Variants in DBF4 observed in about 807,000 individuals in gnomAD.
DBF4 encodes the protein protein DBF4 homolog A.
DBF4 carries 25 observed loss-of-function variants against 76.6 expected under a neutral mutation model. That is an observed-to-expected ratio of 0.33 (90% CI 0.24 to 0.46). The LOEUF is 0.46. DBF4 is among the 20% of genes least tolerant of loss of function. The pLI is 1.00. For synonymous variants in DBF4, 213 were observed against 258.0 expected (o/e 0.83, Z 1.67); for missense variants, 638 against 760.8 (o/e 0.84, Z 1.90).
chr7:87,895,444 G>A (rs958075555), intron 6 of DBF4, among the ~76,000 whole-genome samples: 9 of 152,098 alleles, frequency 5.9e-5, no homozygotes, highest in Admixed American at 4.6e-4. Context: ...TAAATGTTGT[G>A]TAGGCCCTAT....
chr7:87,892,975 TTGAAGAAAATGTATATTCTGC>T (rs1343333908), intron 6 of DBF4, among the ~76,000 whole-genome samples: 1 of 152,204 alleles, frequency 6.6e-6, no homozygotes, highest in Non-Finnish European at 1.5e-5. Flanking sequence ...CCATGTGCAG[TTGAAGAAAATGTATATTCTGC>T]TGTGGTTGGG....
intron 6 of DBF4, among the ~76,000 whole-genome samples, chr7:87,888,844 C>A (rs1302926359): frequency 3.3e-5 from 5 of 152,200 alleles, no homozygotes; most frequent in Non-Finnish European, 5.9e-5. Flanking sequence ...TTTCTATTCT[C>A]TTCTGAAATT....
chr7:87,887,053 G>A (rs1398920152), intron 4 of DBF4, among the ~76,000 whole-genome samples, 159 bp downstream of exon 4: 2 of 152,158 alleles, frequency 1.3e-5, no homozygotes, highest in African/African-American at 4.8e-5. Flanking sequence ...TACTTTTCAT[G>A]TAGAAACATC....
At chr7:87,882,988 A>G (rs1471484782) in intron 2 of DBF4, among the ~76,000 whole-genome samples, 1 of 152,184 alleles carries the variant, frequency 6.6e-6, no homozygotes, top group Non-Finnish European at 1.5e-5. Flanking sequence ...CAGGGTCTCA[A>G]AGATATTTAT....
rs1584348634 is a variant in DBF4, at chr7:87,878,006, A to G, written c.47-47A>G. 5.9e-6 allele frequency: 8 copies of G among 1,361,042 alleles called. No individual in the cohort carries two copies. In the East Asian group the frequency reaches 1.9e-4, roughly 32 times the overall value. The allele number at this position is 1,361,042 out of a possible 1,614,324, so 84.3% of individuals were successfully genotyped here. A position where few individuals can be genotyped will look rare whatever the true frequency, so the allele number is the denominator to read the frequency against. On this transcript the variant is annotated intron_variant, in intron 1 of 11. Coordinates refer to ENST00000265728, the MANE Select transcript of DBF4 (RefSeq NM_006716.4). ...TTGTATAATGAAATATTTTAAAAAT[A>G]GTAAAAGTGTCTGTGTAAAACATCT...
At chr7:87,901,539 C>A (rs1223872607) in intron 10 of DBF4, among the ~76,000 whole-genome samples, 1 of 151,896 alleles carries the variant, frequency 6.6e-6, no homozygotes, top group Non-Finnish European at 1.5e-5. Context: ...GTATTTTGAA[C>A]CTTAGCAATT....
intron 6 of DBF4, among the ~76,000 whole-genome samples, chr7:87,892,859 T>C (rs576868362): frequency 6.6e-5 from 10 of 152,388 alleles, no homozygotes; most frequent in African/African-American, 2.4e-4. Context: ...TTCTGTTTAC[T>C]GATTTCTATT....
chr7:87,908,022 A>G lies in DBF4; in HGVS notation c.1884A>G (p.Lys628=). 8 of 1,613,852 alleles carry G rather than the reference A, an allele frequency of 5.0e-6. No individual in the cohort carries two copies. The highest frequency in any genetic ancestry group is 6.8e-6 in the Non-Finnish European group (8 of 1,179,790). ...ACTTGTTTCAGACTAGTGAAGAGAA[A>G]TCAGAATTTTTGGGTTTCACAAGCT... ...LLDLFQTSEE[K]SEFLGFTSYT... The change falls in exon 12 of 12, where the codon AAA becomes AAG. Residue 628 remains lysine, a synonymous_variant. Coordinates refer to ENST00000265728, the MANE Select transcript of DBF4 (RefSeq NM_006716.4).
In DBF4 at chr7:87,876,628, G is replaced by C. The variant is rs578138412; in HGVS notation, c.-105G>C. The C allele has an allele frequency of 7.7e-7, 1 of 1,293,890 alleles. No homozygotes were observed. Among genetic ancestry groups the C allele is most frequent in the African/African-American group, 1.5e-5 (1 of 68,528 alleles). 80.2% of individuals were successfully genotyped at this position (1,293,890 alleles called of 1,614,324 possible). On this transcript the variant is annotated 5_prime_UTR_variant, in exon 1 of 12. Transcript: ENST00000265728. ...GCGTAGAGGCCGTAGCTGGCGGAAG[G>C]AGAGAGGCGGCCGTCCTGTCAACAG... is the stretch of plus-strand genomic sequence containing the variant.
chr7:87,903,232 G>A (rs1839833455), intron 10 of DBF4, among the ~76,000 whole-genome samples: 1 of 152,154 alleles, frequency 6.6e-6, no homozygotes, highest in Admixed American at 6.5e-5. Flanking sequence ...ACAGGCATGC[G>A]CCACCACGCC....
rs768411476 is a variant in DBF4, at chr7:87,876,789, C to T, written c.46+11C>T. 6 of 1,614,018 alleles carry T rather than the reference C, an allele frequency of 3.7e-6. No homozygotes were observed. Among genetic ancestry groups the T allele is most frequent in the Middle Eastern group, 1.6e-4 (1 of 6,062 alleles). On this transcript the variant is annotated intron_variant, in intron 1 of 11. Transcript: ENST00000265728. ...AAGGACATTTCCAGGGTAAGAAGCC[C>T]CTCCTCCGCCTGCAGTCCCTTTAAT...
intron 10 of DBF4, among the ~76,000 whole-genome samples, chr7:87,903,857 G>C (rs1217072008): frequency 6.6e-6 from 1 of 152,006 alleles, no homozygotes; most frequent in African/African-American, 2.4e-5. Flanking sequence ...ACCAGGCCCA[G>C]CCGATTTTTT....
intron 6 of DBF4, 40 bp downstream of exon 6, chr7:87,888,099 G>GT (rs1839405147): frequency 1.3e-6 from 2 of 1,523,410 alleles, no homozygotes; most frequent in Non-Finnish European, 8.8e-7. Context: ...ACCAAGCTTG[G>GT]TTTTTTTACT....
At chr7:87,896,781 A>C (rs1024768781) in intron 7 of DBF4, among the ~76,000 whole-genome samples, 5 of 152,196 alleles carry the variant, frequency 3.3e-5, no homozygotes, top group African/African-American at 9.6e-5. Context: ...TAATTGTGAA[A>C]TAGTGATAAC....
intron 10 of DBF4, 42 bp downstream of exon 10, chr7:87,900,920 G>T (rs1839768666): frequency 6.8e-7 from 1 of 1,473,650 alleles, no homozygotes. Context: ...TTCGAAAACT[G>T]TAATACTTGT....
rs1202093043 is a variant in DBF4 at position 87,908,492 on chromosome 7, G to T, written c.*329G>T. The stretch of plus-strand genomic sequence containing the variant: ...TATCAAACTTAGCATTATACATTTG[G>T]ATATTCTAGTTGTATTGTAAATTTT... On this transcript the variant is annotated 3_prime_UTR_variant, in exon 12 of 12. Coordinates refer to ENST00000265728, the MANE Select transcript of DBF4 (RefSeq NM_006716.4). 1 of 168,390 alleles carries T rather than the reference G, an allele frequency of 5.9e-6. No individual in the cohort carries two copies. The highest frequency in any genetic ancestry group is 1.3e-5 in the Non-Finnish European group (1 of 79,198). The allele number at this position is 168,390 out of a possible 1,614,324, so 10.4% of individuals were successfully genotyped here.
intron 2 of DBF4, among the ~76,000 whole-genome samples, chr7:87,881,311 G>A (rs761219775): frequency 1.3e-5 from 2 of 152,240 alleles, no homozygotes; most frequent in African/African-American, 2.4e-5. Context: ...GGGAGGCTGA[G>A]GCAGGAGAAT....
chr7:87,895,152 T>C lies in DBF4; in HGVS notation c.598-1322T>C, dbSNP rs539218591. Among the ~76,000 whole-genome samples the C allele has an allele frequency of 6.6e-5, 10 of 152,344 alleles. No homozygotes were observed. The South Asian group carries it at 2.1e-3, about 32-fold the overall frequency. On this transcript the variant is annotated intron_variant, in intron 6 of 11. Transcript: ENST00000265728. ...CTTAATTGTGTCATACATGTTCTGC[T>C]ATTGAGCTTATCCAGTGAATTTTGT...
chr7:87,893,910 T>G (rs1839559985), intron 6 of DBF4, among the ~76,000 whole-genome samples: 1 of 152,224 alleles, frequency 6.6e-6, no homozygotes, highest in African/African-American at 2.4e-5. Context: ...TCTTTCAGAT[T>G]GATCTGCCAG....
Sources: allele counts gnomAD v4.1 joint callset (sites outside exome capture counted in the v4.1 genomes callset), GRCh38; gene constraint gnomAD v4.1.1; transcripts MANE v1.5; gene names NCBI Gene and HGNC (gene_info 2026-07-23, HGNC 2026-07-21).